The following NEDD4 variants were observed in gnomAD, a reference collection of about 807,000 sequenced individuals.
The protein encoded by NEDD4 is NEDD4 E3 ubiquitin protein ligase, also known as E3 ubiquitin-protein ligase NEDD4.
Under a neutral mutation model 144.9 loss-of-function variants are expected in NEDD4, and 99 were observed. The observed-to-expected ratio is 0.68, with a 90% CI of 0.58 to 0.81. The LOEUF is 0.81. NEDD4 is among the 30% of genes least tolerant of loss of function. The pLI is 0.00. For missense variants in NEDD4, 985 were observed against 1,065.9 expected (o/e 0.92, Z 1.06); for synonymous variants, 318 against 350.6 (o/e 0.91, Z 1.04).
At chr15:55,921,408 TCCA>T (rs1252857591) in intron 5 of NEDD4, among the ~76,000 whole-genome samples, 4 of 151,810 alleles carry the variant, frequency 2.6e-5, no homozygotes, top group Non-Finnish European at 4.4e-5. Context: ...CACTGCAACC[TCCA>T]CCTCCTGGGC....
Position 55,840,735 on chromosome 15 carries a change from GAC to G in NEDD4, c.1839-10_1839-9del, listed in dbSNP as rs1566901990. On this transcript the variant is annotated splice_polypyrimidine_tract_variant and intron_variant, in intron 19 of 28. Coordinates refer to ENST00000435532, the MANE Select transcript of NEDD4 (RefSeq NM_006154.4). ...TGTAGGGTATAATTGTCCCTGTAAA[GAC>G]AACCCCATTTAAATACTTCATTTGA... 39 of 1,599,076 alleles carry G rather than the reference GAC, an allele frequency of 2.4e-5. No homozygotes were observed. The highest frequency in any genetic ancestry group is 3.2e-5 in the Non-Finnish European group (38 of 1,175,710).
At chr15:55,973,734 T>C (rs1429638009) in intron 1 of NEDD4, among the ~76,000 whole-genome samples, 12 of 149,858 alleles carry the variant, frequency 8.0e-5, no homozygotes, top group Non-Finnish European at 1.8e-4. Flanking sequence ...AAACAAATAA[T>C]AATGGAAACA....
intron 4 of NEDD4, among the ~76,000 whole-genome samples, chr15:55,949,915 C>A (rs561251702): frequency 1.3e-5 from 2 of 149,788 alleles, no homozygotes; most frequent in South Asian, 2.1e-4. Context: ...CAAACCTGCA[C>A]GTTGTGCACA....
At chr15:55,964,967 C>A (rs559420456) in intron 2 of NEDD4, among the ~76,000 whole-genome samples, 4 of 151,888 alleles carry the variant, frequency 2.6e-5, no homozygotes, top group Admixed American at 1.3e-4. Flanking sequence ...TCCACTCTTG[C>A]TATGTGATTT....
intron 4 of NEDD4, among the ~76,000 whole-genome samples, chr15:55,936,392 GT>G (rs1371826179): frequency 6.6e-6 from 1 of 151,620 alleles, no homozygotes. Flanking sequence ...ATGTAGGTAA[GT>G]TTTTTCCCCC....
intron 24 of NEDD4, 34 bp downstream of exon 24, chr15:55,837,755 C>CA: frequency 6.5e-7 from 1 of 1,532,016 alleles, no homozygotes. Flanking sequence ...TATACTGTGA[C>CA]ATTATGGAAG....
At chr15:55,971,523 G>C (rs1193406409) in intron 1 of NEDD4, among the ~76,000 whole-genome samples, 1 of 151,914 alleles carries the variant, frequency 6.6e-6, no homozygotes, top group Non-Finnish European at 1.5e-5. Flanking sequence ...TACTCAGGAG[G>C]CTGAGGCAGG....
intron 4 of NEDD4, among the ~76,000 whole-genome samples, chr15:55,928,441 G>A (rs1009165306): frequency 1.3e-5 from 2 of 152,190 alleles, no homozygotes; most frequent in African/African-American, 4.8e-5. Flanking sequence ...GCCTGAGTAT[G>A]GAATGATCCT....
At chr15:55,843,244 C>A (rs907775932) in intron 18 of NEDD4, among the ~76,000 whole-genome samples, 3 of 152,158 alleles carry the variant, frequency 2.0e-5, no homozygotes, top group Non-Finnish European at 4.4e-5. Context: ...AGCATGAAAA[C>A]GGACTAAAAC....
At position 55,964,238 on chromosome 15, in the gene NEDD4, A is replaced by G. The variant is rs184523872; in HGVS notation, c.119+2235T>C. Among the ~76,000 whole-genome samples the G allele has an allele frequency of 2.1e-4, 32 of 152,218 alleles. No individual in the cohort carries two copies. The East Asian group carries it at 6.0e-3, about 28-fold the overall frequency. On this transcript the variant is annotated intron_variant, in intron 2 of 28. Transcript: ENST00000435532. ...GTGTTAGACTGTAAGATATTATATA[A>G]TGATATCCATGTTAGACTTTTATAT...
chr15:55,915,516 A>G, intron 5 of NEDD4: 1 of 1,613,920 alleles, frequency 6.2e-7, no homozygotes. Flanking sequence ...TGGTCTTTCC[A>G]ATTCTCCATT....
At chr15:55,916,229 A>G in intron 5 of NEDD4, 1 of 1,614,058 alleles carries the variant, frequency 6.2e-7, no homozygotes, top group South Asian at 1.1e-5. Context: ...TTCCACCCAA[A>G]AAAGTATCAT....
chr15:55,973,886 G>C (rs2037656572), intron 1 of NEDD4, among the ~76,000 whole-genome samples: 1 of 148,152 alleles, frequency 6.7e-6, no homozygotes, highest in Admixed American at 6.7e-5. Context: ...AAAATCAAGA[G>C]CAAACCAACT....
At chr15:55,885,947 T>C (rs1166729057) in intron 5 of NEDD4, among the ~76,000 whole-genome samples, 1 of 151,344 alleles carries the variant, frequency 6.6e-6, no homozygotes, top group African/African-American at 2.4e-5. Context: ...CAACAATCTG[T>C]TGTCTACAAG....
intron 6 of NEDD4, 29 bp from the exon 7 acceptor site, chr15:55,872,505 A>AT: frequency 9.5e-7 from 1 of 1,057,328 alleles, no homozygotes; most frequent in Non-Finnish European, 1.3e-6. Context: ...TTTTCAAAAT[A>AT]TATCTATAAC....
chr15:55,848,286 C>G (rs561021037), intron 17 of NEDD4, 86 bp downstream of exon 17: 75 of 1,285,568 alleles, frequency 5.8e-5, no homozygotes, highest in Admixed American at 2.2e-4. Flanking sequence ...CTCTCAATGC[C>G]TGTAGGGTTA....
At chr15:55,852,639 C>A (rs2034031867) in intron 12 of NEDD4, 96 bp from the exon 13 acceptor site, 2 of 974,802 alleles carry the variant, frequency 2.1e-6, no homozygotes, top group African/African-American at 1.7e-5. Flanking sequence ...CTACTCTCAG[C>A]CCCAAGCAAC....
At chr15:55,902,059 G>A (rs1006494464) in intron 5 of NEDD4, among the ~76,000 whole-genome samples, 5 of 152,068 alleles carry the variant, frequency 3.3e-5, no homozygotes, top group Non-Finnish European at 5.9e-5. Flanking sequence ...AATACAGTGC[G>A]GCAATTAAGG....
chr15:55,942,063 A>ATTT (rs34216809), intron 4 of NEDD4, among the ~76,000 whole-genome samples: 1 of 150,242 alleles, frequency 6.7e-6, no homozygotes, highest in Non-Finnish European at 1.5e-5. Context: ...TATATTTACT[A>ATTT]TTTTTTTTTT....
Sources: gnomAD v4.1 joint callset for allele counts (sites outside exome capture counted in the v4.1 genomes callset) on GRCh38, gnomAD v4.1.1 for gene constraint, MANE v1.5 for transcripts, NCBI Gene and HGNC (gene_info 2026-07-23, HGNC 2026-07-21) for gene names.